The following MARCHF1 variants were observed in gnomAD, a reference collection of about 807,000 sequenced individuals.
MARCHF1 encodes membrane associated ring-CH-type finger 1.
In MARCHF1, 40 loss-of-function variants were observed where a neutral mutation model predicts 54.2. The observed-to-expected ratio is 0.74, with a 90% CI of 0.57 to 0.96. The LOEUF (loss-of-function observed/expected upper bound fraction) is 0.96, where lower values mean the gene tolerates loss of function less well. Ranked by LOEUF, MARCHF1 falls within the 40% of genes least tolerant of loss-of-function variation. The pLI is 0.00. For synonymous variants in MARCHF1, 236 were observed against 236.3 expected (o/e 1.00, Z 0.01); for missense variants, 586 against 656.5 (o/e 0.89, Z 1.17).
At chr4:163,800,510 G>A (rs972465251) in intron 4 of MARCHF1, among the ~76,000 whole-genome samples, 6 of 151,580 alleles carry the variant, frequency 4.0e-5, no homozygotes, top group African/African-American at 2.4e-5. Context: ...GAGCTTTTAA[G>A]GGATACTTAA....
intron 1 of MARCHF1, among the ~76,000 whole-genome samples, chr4:164,377,714 A>G (rs1731237698): frequency 6.6e-6 from 1 of 152,168 alleles, no homozygotes; most frequent in African/African-American, 2.4e-5. Context: ...AATAACTTTA[A>G]TCTATTGGCT....
intron 2 of MARCHF1, among the ~76,000 whole-genome samples, chr4:164,091,647 A>T (rs1755304470): frequency 6.6e-6 from 1 of 151,962 alleles, no homozygotes; most frequent in African/African-American, 2.4e-5. Flanking sequence ...TAAATAAAAG[A>T]TCACCTATCT....
In MARCHF1 at chr4:163,645,500, T is replaced by G. The variant is rs567614806; in HGVS notation, c.163-32107A>C. 2.0e-5 allele frequency among the ~76,000 whole-genome samples: 3 copies of G among 152,146 alleles called. No homozygotes were observed. The South Asian group carries it at 6.2e-4, about 32-fold the overall frequency. On this transcript the variant is annotated intron_variant, in intron 5 of 9. Coordinates refer to ENST00000514618, the MANE Select transcript of MARCHF1 (RefSeq NM_001394959.1). Reference sequence around the variant, plus strand: ...ACATGACACCACCAAAAGAAAGAAATAAAGTTCCAGCAACCAAGTCCAAAG... The same window carrying G: ...ACATGACACCACCAAAAGAAAGAAAGAAAGTTCCAGCAACCAAGTCCAAAG...
chr4:164,146,756 G>C (rs1051209778), intron 1 of MARCHF1, among the ~76,000 whole-genome samples: 4 of 152,138 alleles, frequency 2.6e-5, no homozygotes, highest in African/African-American at 7.2e-5. Flanking sequence ...TCAGGACATA[G>C]GCATGGGCAA....
At chr4:163,768,850 G>T (rs116036845) in intron 4 of MARCHF1, among the ~76,000 whole-genome samples, 3 of 152,112 alleles carry the variant, frequency 2.0e-5, no homozygotes, top group Non-Finnish European at 2.9e-5. Flanking sequence ...AACATAGGGG[G>T]ATAGGATTAA....
intron 5 of MARCHF1, among the ~76,000 whole-genome samples, chr4:163,668,773 A>G (rs550227511): frequency 1.8e-4 from 27 of 152,290 alleles, no homozygotes; most frequent in African/African-American, 6.3e-4. Flanking sequence ...ATCCAAGAAA[A>G]GGAGCCAAGG....
intron 1 of MARCHF1, among the ~76,000 whole-genome samples, chr4:164,218,815 G>T (rs1195571699): frequency 1.3e-5 from 2 of 149,738 alleles, no homozygotes; most frequent in African/African-American, 4.9e-5. Flanking sequence ...AAACCTGCAT[G>T]TTGTGCACAT....
intron 3 of MARCHF1, among the ~76,000 whole-genome samples, chr4:163,900,589 T>C (rs1039536045): frequency 9.9e-5 from 15 of 152,190 alleles, no homozygotes; most frequent in African/African-American, 3.6e-4. Context: ...AAACCTAATA[T>C]GTAAACATTT....
intron 8 of MARCHF1, among the ~76,000 whole-genome samples, chr4:163,550,656 C>T (rs1739081169): frequency 2.0e-5 from 3 of 152,024 alleles, no homozygotes; most frequent in Admixed American, 2.0e-4. Flanking sequence ...TGCAGACGAG[C>T]GAAAATAATA....
Position 163,964,970 on chromosome 4 carries a change from G to A in MARCHF1, c.-39+23531C>T, listed in dbSNP as rs146774388. Among the ~76,000 whole-genome samples, 8 of 152,034 alleles carry A rather than the reference G, an allele frequency of 5.3e-5. No homozygotes were observed. In the East Asian group the frequency reaches 5.8e-4, roughly 11 times the overall value. ...TTTTTAAGTAAAATTAAAGTCAATC[G>A]AAAGTGTATATTATTGATAGTTTTG... On this transcript the variant is annotated intron_variant, in intron 3 of 9. Coordinates refer to ENST00000514618, the MANE Select transcript of MARCHF1 (RefSeq NM_001394959.1).
chr4:164,128,534 C>G (rs1486148584), intron 1 of MARCHF1, among the ~76,000 whole-genome samples: 6 of 55,648 alleles, frequency 1.1e-4, no homozygotes, highest in African/African-American at 2.5e-4. Flanking sequence ...TGCTCATGAA[C>G]TCATAATGAA....
chr4:164,029,927 TGAA>T (rs1753843552), intron 2 of MARCHF1, among the ~76,000 whole-genome samples: 2 of 152,212 alleles, frequency 1.3e-5, no homozygotes, highest in African/African-American at 4.8e-5. Context: ...TTGTGTTCTA[TGAA>T]GAAATTTGTA....
intron 3 of MARCHF1, among the ~76,000 whole-genome samples, chr4:163,905,899 A>G (rs1458917602): frequency 6.6e-6 from 1 of 152,066 alleles, no homozygotes; most frequent in Non-Finnish European, 1.5e-5. Flanking sequence ...AGTTACTATA[A>G]AAAATTCATT....
At chr4:163,962,479 AT>A (rs1752360891) in intron 3 of MARCHF1, among the ~76,000 whole-genome samples, 1 of 152,050 alleles carries the variant, frequency 6.6e-6, no homozygotes, top group East Asian at 1.9e-4. Flanking sequence ...TATTTTTCTT[AT>A]TTAAATGGTG....
At chr4:164,324,712 T>C (rs975952069) in intron 1 of MARCHF1, among the ~76,000 whole-genome samples, 1 of 151,464 alleles carries the variant, frequency 6.6e-6, no homozygotes, top group South Asian at 2.1e-4. Context: ...TAACAAAAGG[T>C]ATTTGCAAGA....
intron 3 of MARCHF1, among the ~76,000 whole-genome samples, chr4:163,933,820 G>C (rs1211275918): frequency 6.6e-6 from 1 of 152,170 alleles, no homozygotes; most frequent in Non-Finnish European, 1.5e-5. Flanking sequence ...TATTATGGAG[G>C]TCATATATAT....
At chr4:164,355,799 A>G (rs1159634276) in intron 1 of MARCHF1, among the ~76,000 whole-genome samples, 2 of 106,774 alleles carry the variant, frequency 1.9e-5, no homozygotes, top group Non-Finnish European at 4.2e-5. Flanking sequence ...TCTGCACAGC[A>G]AAAGAAACTA....
chr4:164,115,006 C>T (rs1001444734), intron 1 of MARCHF1, among the ~76,000 whole-genome samples: 3 of 151,760 alleles, frequency 2.0e-5, no homozygotes, highest in Non-Finnish European at 2.9e-5. Flanking sequence ...AGAAGGTGGA[C>T]GTATTTTTAA....
intron 3 of MARCHF1, among the ~76,000 whole-genome samples, chr4:163,929,314 G>A (rs1751603226): frequency 6.6e-6 from 1 of 151,912 alleles, no homozygotes; most frequent in Non-Finnish European, 1.5e-5. Context: ...AATAATAATG[G>A]CTGCCTCATA....
Sources: gnomAD v4.1 joint callset for allele counts (sites outside exome capture counted in the v4.1 genomes callset) on GRCh38, gnomAD v4.1.1 for gene constraint, MANE v1.5 for transcripts, NCBI Gene and HGNC (gene_info 2026-07-23, HGNC 2026-07-21) for gene names.